The following ATG7 variants were observed in gnomAD, a reference collection of about 807,000 sequenced individuals.
ATG7 encodes autophagy related 7, also known as ubiquitin-like modifier-activating enzyme ATG7.
In ATG7, 70 loss-of-function variants were observed where a neutral mutation model predicts 82.4. That is an observed-to-expected ratio of 0.85 (90% CI 0.70 to 1.04). ATG7 has a LOEUF of 1.04. Ranked by LOEUF, ATG7 falls within the 50% of genes least tolerant of loss-of-function variation. The pLI, the probability that ATG7 is intolerant of heterozygous loss-of-function variation, is 0.00. For missense variants in ATG7, 792 were observed against 864.3 expected (o/e 0.92, Z 1.05); for synonymous variants, 287 against 313.0 (o/e 0.92, Z 0.88).
At chr3:11,509,010 C>G (rs1340138448) in intron 20 of ATG7, among the ~76,000 whole-genome samples, 1 of 152,210 alleles carries the variant, frequency 6.6e-6, no homozygotes, top group Admixed American at 6.5e-5. Context: ...AAACAGATCC[C>G]TTGAGCAAAT....
chr3:11,500,720 T>C (rs1363958759), intron 20 of ATG7, among the ~76,000 whole-genome samples: 2 of 151,436 alleles, frequency 1.3e-5, no homozygotes, highest in African/African-American at 4.9e-5. Flanking sequence ...AACCTCCACC[T>C]CCCAGGTTCA....
intron 20 of ATG7, among the ~76,000 whole-genome samples, chr3:11,479,773 G>GT (rs1467177823): frequency 6.6e-6 from 1 of 152,126 alleles, no homozygotes; most frequent in Non-Finnish European, 1.5e-5. Flanking sequence ...CCCTCGGTTG[G>GT]TTTTTAATAA....
At chr3:11,440,982 C>T (rs891643156) in intron 20 of ATG7, among the ~76,000 whole-genome samples, 3 of 152,086 alleles carry the variant, frequency 2.0e-5, no homozygotes, top group Non-Finnish European at 4.4e-5. Context: ...TGTGCCTGGC[C>T]CCCATTTGCT....
At chr3:11,554,054 G>T (rs550715816) in intron 20 of ATG7, among the ~76,000 whole-genome samples, 1 of 152,294 alleles carries the variant, frequency 6.6e-6, no homozygotes, top group South Asian at 2.1e-4. Context: ...CTCCCTGGGG[G>T]CTGACACCAA....
chr3:11,557,892 GTA>G (rs1386045641), downstream of ATG7: 6 of 153,362 alleles, frequency 3.9e-5, no homozygotes, highest in African/African-American at 1.4e-4. Context: ...CCTATAACCT[GTA>G]TGAGACTTCC....
chr3:11,558,898 C>CT, downstream of ATG7: 1 of 1,548,580 alleles, frequency 6.5e-7, no homozygotes, highest in South Asian at 1.2e-5. Context: ...TTGCAGCACC[C>CT]TCCCTCAGGC....
At chr3:11,426,350 A>G (rs555383749) in intron 19 of ATG7, among the ~76,000 whole-genome samples, 1 of 152,254 alleles carries the variant, frequency 6.6e-6, no homozygotes, top group South Asian at 2.1e-4. Context: ...ACCTATTGAA[A>G]TTTATTTTTC....
chr3:11,518,086 G>A (rs140600347), intron 20 of ATG7, among the ~76,000 whole-genome samples: 5 of 152,296 alleles, frequency 3.3e-5, no homozygotes, highest in Admixed American at 6.5e-5. Flanking sequence ...AGAGAGGAAG[G>A]GGACCAAGGT....
At chr3:11,412,924 A>G (rs1483963645) in intron 19 of ATG7, among the ~76,000 whole-genome samples, 1 of 152,102 alleles carries the variant, frequency 6.6e-6, no homozygotes, top group Non-Finnish European at 1.5e-5. Flanking sequence ...CCTGAAGTTA[A>G]TTCCTAAGTA....
chr3:11,336,653 T>C (rs1322890710), intron 11 of ATG7, among the ~76,000 whole-genome samples: 1 of 152,090 alleles, frequency 6.6e-6, no homozygotes, highest in Non-Finnish European at 1.5e-5. Context: ...ATAAGGAGTA[T>C]TATTTTAAAT....
At chr3:11,434,121 GGCCTTTT>G in intron 20 of ATG7, among the ~76,000 whole-genome samples, 1 of 152,074 alleles carries the variant, frequency 6.6e-6, no homozygotes, top group Non-Finnish European at 1.5e-5. Flanking sequence ...GTTTCTGCTG[GGCCTTTT>G]GCACTTACAC....
At chr3:11,497,397 C>T (rs1482459432) in intron 20 of ATG7, among the ~76,000 whole-genome samples, 1 of 56,652 alleles carries the variant, frequency 1.8e-5, no homozygotes, top group African/African-American at 6.9e-5. Flanking sequence ...ATATATTTAG[C>T]CAGGCATGGT....
chr3:11,537,277 G>T (rs1280923406), intron 20 of ATG7, among the ~76,000 whole-genome samples: 1 of 151,958 alleles, frequency 6.6e-6, no homozygotes, highest in Non-Finnish European at 1.5e-5. Context: ...CTTTCTAAAA[G>T]AACTGTTCCT....
chr3:11,328,959 A>G (rs1026829875), intron 9 of ATG7, among the ~76,000 whole-genome samples: 23 of 152,254 alleles, frequency 1.5e-4, no homozygotes, highest in Middle Eastern at 3.4e-3. Flanking sequence ...GCGTGGTAAC[A>G]CATGCCTGTC....
At chr3:11,542,019 A>G in intron 20 of ATG7, among the ~76,000 whole-genome samples, 1 of 152,266 alleles carries the variant, frequency 6.6e-6, no homozygotes, top group Non-Finnish European at 1.5e-5. Flanking sequence ...GGAAAAAGGC[A>G]AACAAGCCTG....
At chr3:11,276,978 T>C (rs1235732026) in intron 1 of ATG7, among the ~76,000 whole-genome samples, 1 of 152,062 alleles carries the variant, frequency 6.6e-6, no homozygotes, top group Non-Finnish European at 1.5e-5. Context: ...TGCCAATTCC[T>C]CTCCTTTCAT....
chr3:11,558,097 CTT>C (rs1667992821), downstream of ATG7: 1 of 172,988 alleles, frequency 5.8e-6, no homozygotes, highest in African/African-American at 2.4e-5. Flanking sequence ...CGACAGTTCT[CTT>C]CAAGTATACA....
At chr3:11,501,776 G>A (rs1217676501) in intron 20 of ATG7, among the ~76,000 whole-genome samples, 2 of 152,016 alleles carry the variant, frequency 1.3e-5, no homozygotes, top group Non-Finnish European at 2.9e-5. Flanking sequence ...TGCAGCCTTC[G>A]CCTCCCGGGT....
At chr3:11,540,085 C>T (rs541445968) in intron 20 of ATG7, among the ~76,000 whole-genome samples, 2 of 152,302 alleles carry the variant, frequency 1.3e-5, no homozygotes, top group South Asian at 2.1e-4. Flanking sequence ...TTGCTGGGTC[C>T]TATGGTGGAA....
Sources: gnomAD v4.1 joint callset for allele counts (sites outside exome capture counted in the v4.1 genomes callset) on GRCh38, gnomAD v4.1.1 for gene constraint, MANE v1.5 for transcripts, NCBI Gene and HGNC (gene_info 2026-07-23, HGNC 2026-07-21) for gene names.